The following SMARCAD1 variants were observed in gnomAD, a reference collection of about 807,000 sequenced individuals.
SMARCAD1 encodes the protein SWI/SNF-related matrix-associated actin-dependent regulator of chromatin subfamily A containing DEAD/H box 1.
Under a neutral mutation model 127.1 loss-of-function variants are expected in SMARCAD1, and 25 were observed. That is an observed-to-expected ratio of 0.20 (90% CI 0.14 to 0.27). SMARCAD1 has a LOEUF of 0.27. Among genes scored for constraint, SMARCAD1 ranks in the 10% least tolerant of loss-of-function variants. The pLI, the probability that SMARCAD1 is intolerant of heterozygous loss-of-function variation, is 1.00. For synonymous variants in SMARCAD1, 400 were observed against 396.9 expected (o/e 1.01, Z -0.09); for missense variants, 807 against 1,206.0 (o/e 0.67, Z 4.90).
chr4:94,208,620 G>C (rs765068611), intron 2 of SMARCAD1, 36 bp downstream of exon 2: 1 of 1,587,984 alleles, frequency 6.3e-7, no homozygotes, highest in Non-Finnish European at 8.6e-7. Context: ...TAACATCAAG[G>C]ACAGTTTTTA....
chr4:94,233,631 AAAG>A (rs1323042695), intron 3 of SMARCAD1, among the ~76,000 whole-genome samples: 1 of 152,194 alleles, frequency 6.6e-6, no homozygotes, highest in African/African-American at 2.4e-5. Context: ...AGTATTGGTG[AAAG>A]AAGATGAGTA....
chr4:94,248,051 C>T (rs1748725635), intron 6 of SMARCAD1, among the ~76,000 whole-genome samples: 1 of 152,230 alleles, frequency 6.6e-6, no homozygotes, highest in African/African-American at 2.4e-5. Context: ...TTTTTATGAA[C>T]ACGTGTACCC....
At position 94,235,229 on chromosome 4, in the gene SMARCAD1, CTTTTTTTTTTTTTTT is replaced by C. The variant is rs35123705; in HGVS notation, c.537+1122_537+1136del. On this transcript the variant is annotated intron_variant, in intron 4 of 23. Transcript: ENST00000354268. Reference sequence around the variant, plus strand: ...TCCCAGTCCCAGGCAACCACCAATCCTTTTTTTTTTTTTTTTTTTTTTTTTTTTTAGCTTATTGTG... The same window carrying C: ...TCCCAGTCCCAGGCAACCACCAATCCTTTTTTTTTTTTTTAGCTTATTGTG... Among the ~76,000 whole-genome samples the C allele has an allele frequency of 1.3e-4, 5 of 39,254 alleles. No homozygotes were observed. In the East Asian group the frequency reaches 2.5e-3, roughly 20 times the overall value. 25.8% of individuals were successfully genotyped at this position (39,254 alleles called of 152,430 possible).
chr4:94,209,495 T>A (rs1023576612), intron 2 of SMARCAD1, among the ~76,000 whole-genome samples: 2 of 152,258 alleles, frequency 1.3e-5, no homozygotes, highest in South Asian at 2.1e-4. Flanking sequence ...TATCTTTTTT[T>A]ATGCAAAACT....
chr4:94,275,804 T>TATTTTATTTTA (rs1579322024), intron 14 of SMARCAD1, among the ~76,000 whole-genome samples: 9 of 145,288 alleles, frequency 6.2e-5, no homozygotes, highest in Non-Finnish European at 1.2e-4. Flanking sequence ...TTCTTTTTTT[T>TATTTTATTTTA]TTTTTTTTTT....
At chr4:94,245,422 G>C (rs1400804101) in intron 6 of SMARCAD1, among the ~76,000 whole-genome samples, 1 of 152,214 alleles carries the variant, frequency 6.6e-6, no homozygotes, top group Non-Finnish European at 1.5e-5. Flanking sequence ...AAGATATTAG[G>C]ATAGTCTTGT....
At position 94,207,901 on chromosome 4, in the gene SMARCAD1, T is replaced by C. The variant is rs532785772; in HGVS notation, c.-219T>C. 2 of 335,546 alleles carry C rather than the reference T, an allele frequency of 6.0e-6. No individual in the cohort carries two copies. Among genetic ancestry groups the C allele is most frequent in the South Asian group, 2.4e-5 (1 of 41,362 alleles). 20.8% of individuals were successfully genotyped at this position (335,546 alleles called of 1,614,324 possible). A position where few individuals can be genotyped will look rare whatever the true frequency, so the allele number is the denominator to read the frequency against. ...CGGGCGGATGCCCGCCAGCACGGCC[T>C]CCGCCGCTCCCCTTCTTTGGCCCCT... On this transcript the variant is annotated 5_prime_UTR_variant, in exon 1 of 24. Transcript: ENST00000354268.
Position 94,227,759 on chromosome 4 carries a change from T to G in SMARCAD1, c.368+1463T>G, listed in dbSNP as rs1221427038. 2.0e-5 allele frequency among the ~76,000 whole-genome samples: 3 copies of G among 152,268 alleles called. No individual in the cohort carries two copies. In the East Asian group the frequency reaches 5.8e-4, roughly 29 times the overall value. On this transcript the variant is annotated intron_variant, in intron 3 of 23. Coordinates refer to ENST00000354268, the MANE Select transcript of SMARCAD1 (RefSeq NM_020159.5). ...TAGACGTCTAAATGGAGATGTCAAGTAGGTATAATTAGATTTGGGACATTT... is the reference window on the plus strand; with the variant it reads ...TAGACGTCTAAATGGAGATGTCAAGGAGGTATAATTAGATTTGGGACATTT...
rs539267835 is a variant in SMARCAD1, at chr4:94,270,596, G to T, written c.1482-132G>T. On this transcript the variant is annotated intron_variant, in intron 10 of 23. Transcript: ENST00000354268. ...TCTTGGGTTCATTTTTTTTAAGTAG[G>T]TGTACATAGCATCTAACAGTTAAAA... 242 of 704,876 alleles carry T rather than the reference G, an allele frequency of 3.4e-4. 2 individuals carry two copies. The Middle Eastern group carries it at 5.9e-3, about 17-fold the overall frequency. 43.7% of individuals were successfully genotyped at this position (704,876 alleles called of 1,614,324 possible).
At chr4:94,224,603 G>A (rs1470390005) in intron 2 of SMARCAD1, among the ~76,000 whole-genome samples, 1 of 152,118 alleles carries the variant, frequency 6.6e-6, no homozygotes, top group Non-Finnish European at 1.5e-5. Context: ...TTTTTATTTT[G>A]GGTTTTTGGA....
chr4:94,260,234 C>T (rs1234056824), intron 9 of SMARCAD1, among the ~76,000 whole-genome samples: 2 of 152,208 alleles, frequency 1.3e-5, no homozygotes, highest in East Asian at 3.8e-4. Context: ...TGTGTTCTTT[C>T]ATCAGAAGAC....
At chr4:94,255,756 T>C (rs1179202410) in intron 9 of SMARCAD1, among the ~76,000 whole-genome samples, 1 of 152,146 alleles carries the variant, frequency 6.6e-6, no homozygotes, top group Non-Finnish European at 1.5e-5. Context: ...TTTTTTAAAG[T>C]ATATTACCTA....
At chr4:94,287,025 C>T (rs891110475) in intron 23 of SMARCAD1, among the ~76,000 whole-genome samples, 1 of 152,162 alleles carries the variant, frequency 6.6e-6, no homozygotes, top group African/African-American at 2.4e-5. Context: ...CCTCCATGCC[C>T]AGCTAATTTT....
chr4:94,266,017 A>C (rs1217807177), intron 10 of SMARCAD1, among the ~76,000 whole-genome samples: 3 of 152,106 alleles, frequency 2.0e-5, no homozygotes, highest in Admixed American at 1.3e-4. Flanking sequence ...CAAGATGATT[A>C]CTGGCCTTTA....
intron 6 of SMARCAD1, among the ~76,000 whole-genome samples, chr4:94,247,604 A>G (rs192950179): frequency 6.6e-6 from 1 of 152,304 alleles, no homozygotes; most frequent in Non-Finnish European, 1.5e-5. Context: ...ACAGTGTTGT[A>G]TACCATCATT....
intron 6 of SMARCAD1, among the ~76,000 whole-genome samples, chr4:94,243,760 T>C (rs747563237): frequency 3.3e-5 from 5 of 152,204 alleles, no homozygotes; most frequent in Non-Finnish European, 7.3e-5. Context: ...ACTGGCTGCC[T>C]CTTTTTACCA....
chr4:94,234,449 C>T (rs1050724424), intron 4 of SMARCAD1, among the ~76,000 whole-genome samples: 1 of 152,152 alleles, frequency 6.6e-6, no homozygotes, highest in African/African-American at 2.4e-5. Flanking sequence ...AACCACCTCA[C>T]ACAACTGTGA....
chr4:94,274,045 GTAAT>G lies in SMARCAD1; in HGVS notation c.1672+335_1672+338del, dbSNP rs139782344. Among the ~76,000 whole-genome samples, 4 of 152,266 alleles carry G rather than the reference GTAAT, an allele frequency of 2.6e-5. No homozygotes were observed. In the East Asian group the frequency reaches 5.8e-4, roughly 22 times the overall value. On this transcript the variant is annotated intron_variant, in intron 12 of 23. Transcript: ENST00000354268. Reference sequence around the variant, plus strand: ...TTTAAATGTAGAATTAAACAGATACGTAATTAATTCCTACACACATAACTGTTCC... The same window carrying G: ...TTTAAATGTAGAATTAAACAGATACGTAATTCCTACACACATAACTGTTCC...
In SMARCAD1 at chr4:94,249,774, A is replaced by T. The variant is rs1289938637; in HGVS notation, c.807+19A>T. 7.4e-7 allele frequency: 1 copy of T among 1,352,756 alleles called. No individual in the cohort carries two copies. The highest frequency in any genetic ancestry group is 1.7e-5 in the Admixed American group (1 of 59,632). 83.8% of individuals were successfully genotyped at this position (1,352,756 alleles called of 1,614,324 possible). A position where few individuals can be genotyped will look rare whatever the true frequency, so the allele number is the denominator to read the frequency against. On this transcript the variant is annotated intron_variant, in intron 7 of 23. Transcript: ENST00000354268. ...TAAACAGGTGAGTAGTCGTGTATGA[A>T]AATTTAATCAGTGTGTACTAAGTGT...
Sources: gnomAD v4.1 joint callset for allele counts (sites outside exome capture counted in the v4.1 genomes callset) on GRCh38, gnomAD v4.1.1 for gene constraint, MANE v1.5 for transcripts, NCBI Gene and HGNC (gene_info 2026-07-23, HGNC 2026-07-21) for gene names.